SCUBE1: variants seen among roughly 807,000 people sequenced by gnomAD.
SCUBE1 encodes signal peptide, CUB domain and EGF like domain containing 1.
SCUBE1 carries 59 observed loss-of-function variants against 124.4 expected under a neutral mutation model. The observed-to-expected ratio is 0.47, with a 90% CI of 0.38 to 0.59. The LOEUF is 0.59. Among genes scored for constraint, SCUBE1 ranks in the 20% least tolerant of loss-of-function variants. The pLI is 0.00. For missense variants in SCUBE1, 1,150 were observed against 1,371.2 expected (o/e 0.84, Z 2.55); for synonymous variants, 545 against 550.9 (o/e 0.99, Z 0.15).
At chr22:43,213,707 T>G in intron 16 of SCUBE1, 1 of 163,032 alleles carries the variant, frequency 6.1e-6, no homozygotes. Flanking sequence ...AGTGTTCCAG[T>G]TGTAATGGAA....
At chr22:43,284,662 G>A (rs1235004026) in intron 4 of SCUBE1, among the ~76,000 whole-genome samples, 1 of 152,256 alleles carries the variant, frequency 6.6e-6, no homozygotes, top group East Asian at 1.9e-4. Context: ...ATGGGGCACT[G>A]TAAGGACGCA....
chr22:43,240,246 C>A (rs1014659098), intron 6 of SCUBE1, among the ~76,000 whole-genome samples: 11 of 152,194 alleles, frequency 7.2e-5, no homozygotes, highest in Admixed American at 3.3e-4. Flanking sequence ...CCCTGACACT[C>A]TTCCTGGCTC....
At chr22:43,342,406 T>G (rs1332113495) in intron 1 of SCUBE1, among the ~76,000 whole-genome samples, 3 of 151,952 alleles carry the variant, frequency 2.0e-5, no homozygotes, top group African/African-American at 7.2e-5. Context: ...CTTCCTTCCC[T>G]CTGTCTTTCC....
intron 1 of SCUBE1, 94 bp from the exon 2 acceptor site, chr22:43,339,329 CG>C: frequency 7.8e-7 from 1 of 1,289,580 alleles, no homozygotes; most frequent in Non-Finnish European, 1.1e-6. Flanking sequence ...TGCCTTTGCC[CG>C]TCCATTGATC....
At chr22:43,293,742 G>C (rs1925457538) in intron 3 of SCUBE1, among the ~76,000 whole-genome samples, 1 of 152,208 alleles carries the variant, frequency 6.6e-6, no homozygotes, top group Non-Finnish European at 1.5e-5. Context: ...CCTTCTCATG[G>C]TTCTCAGATT....
rs1923742646 is a variant in SCUBE1 at position 43,258,315 on chromosome 22, C to T, written c.631G>A (p.Gly211Arg). 3.1e-6 allele frequency: 5 copies of T among 1,613,932 alleles called. No individual in the cohort carries two copies. Among genetic ancestry groups the T allele is most frequent in the Non-Finnish European group, 3.4e-6 (4 of 1,179,792 alleles). ...TCCTCACAGCTGTGCTGGCAGCCTC[C>T]GTTTCCATAATTACAGGTTACTAGT... ...DCTLTCNYGN[G>R]GCQHSCEDTD... Residue 211 changes from glycine (G) to arginine (R), a missense_variant, in exon 6 of 22, where the codon GGA becomes AGA. This residue lies in a region of SCUBE1 where 337 missense variants were observed against 482.1 expected (regional missense o/e 0.70). Coordinates refer to ENST00000360835, the MANE Select transcript of SCUBE1 (RefSeq NM_173050.5). The surrounding 1 kb of genome is among the most constrained non-coding windows in gnomAD (Gnocchi z 5.0).
intron 4 of SCUBE1, among the ~76,000 whole-genome samples, chr22:43,285,571 C>A (rs527842437): frequency 4.6e-5 from 7 of 152,220 alleles, no homozygotes; most frequent in Non-Finnish European, 1.0e-4. Context: ...ACAGAAGAGG[C>A]AGAGCCCAAC....
chr22:43,227,553 G>C (rs1922374792), intron 9 of SCUBE1, 57 bp from the exon 10 acceptor site: 3 of 1,589,652 alleles, frequency 1.9e-6, no homozygotes, highest in Non-Finnish European at 2.6e-6. Flanking sequence ...CGGCTGGCAG[G>C]GGAAGGGACC....
chr22:43,324,914 T>C (rs1926672455), intron 2 of SCUBE1, among the ~76,000 whole-genome samples: 2 of 148,954 alleles, frequency 1.3e-5, no homozygotes, highest in South Asian at 4.4e-4. Flanking sequence ...GACTTGGAAG[T>C]AGGGTCTTTG....
intron 3 of SCUBE1, among the ~76,000 whole-genome samples, chr22:43,308,981 T>G (rs982817045): frequency 6.6e-6 from 1 of 152,224 alleles, no homozygotes; most frequent in Non-Finnish European, 1.5e-5. Flanking sequence ...CAACAGACAG[T>G]AAGTACAAGA....
intron 4 of SCUBE1, among the ~76,000 whole-genome samples, chr22:43,284,316 GAGAAGGGA>G (rs1460846892): frequency 6.6e-6 from 1 of 152,254 alleles, no homozygotes; most frequent in African/African-American, 2.4e-5. Flanking sequence ...CCCGTGAAGG[GAGAAGGGA>G]AGTGCGTGCC....
In SCUBE1 at chr22:43,268,681, G is replaced by A. The variant is rs150291705; in HGVS notation, c.485-5836C>T. Among the ~76,000 whole-genome samples, 223 of 152,382 alleles carry A rather than the reference G, an allele frequency of 1.5e-3. 2 individuals are homozygous for A. The highest frequency in any genetic ancestry group is 5.1e-3 in the African/African-American group (211 of 41,594). Reference sequence around the variant, plus strand: ...CTACGTAGAATTGGACAGTAGTAGCGCCTGCTTCCCAGAGTGTGCTAAATG... The same window carrying A: ...CTACGTAGAATTGGACAGTAGTAGCACCTGCTTCCCAGAGTGTGCTAAATG... On this transcript the variant is annotated intron_variant, in intron 4 of 21. Transcript: ENST00000360835.
chr22:43,291,004 T>G, intron 4 of SCUBE1, 42 bp downstream of exon 4: 1 of 1,531,646 alleles, frequency 6.5e-7, no homozygotes, highest in Non-Finnish European at 8.9e-7. Context: ...GGGCTGCCCA[T>G]CCTGGGGGGG....
At position 43,211,424 on chromosome 22, in the gene SCUBE1, T is replaced by C. The variant is rs563202115; in HGVS notation, c.2222-341A>G. ...AGGGAGGAGGGGAAGTGGAGCCAGC[T>C]AGGCCAAACCCTCTTTCTACAAGGT... On this transcript the variant is annotated intron_variant, in intron 17 of 21. Coordinates refer to ENST00000360835, the MANE Select transcript of SCUBE1 (RefSeq NM_173050.5). The surrounding 1 kb of genome is among the most constrained non-coding windows in gnomAD (Gnocchi z 4.5). 2.6e-5 allele frequency among the ~76,000 whole-genome samples: 4 copies of C among 151,858 alleles called. No individual in the cohort carries two copies. Among genetic ancestry groups the C allele is most frequent in the African/African-American group, 7.2e-5 (3 of 41,418 alleles).
In SCUBE1 at chr22:43,197,840, G is replaced by C. The variant is rs137952589; in HGVS notation, c.*6157C>G. 1 of 152,266 alleles carries C rather than the reference G, an allele frequency of 6.6e-6. No homozygotes were observed. The highest frequency in any genetic ancestry group is 1.9e-4 in the East Asian group (1 of 5,208). The allele number at this position is 152,266 out of a possible 1,614,324, so 9.4% of individuals were successfully genotyped here. ...CGAGTTTTTCGTGCTTGTGAAGGAG[G>C]GAAGGAATGTCACTGAAGTCACCCT... On this transcript the variant is annotated 3_prime_UTR_variant, in exon 22 of 22. Transcript: ENST00000360835.
intron 2 of SCUBE1, among the ~76,000 whole-genome samples, chr22:43,326,814 G>A (rs1166794694): frequency 6.6e-6 from 1 of 151,996 alleles, no homozygotes; most frequent in East Asian, 1.9e-4. Flanking sequence ...TTTGACTCAT[G>A]CTGTTCCCTC....
In SCUBE1 at chr22:43,258,069, C is replaced by G; in HGVS notation, c.727+150G>C. 1.5e-6 allele frequency: 1 copy of G among 661,176 alleles called. No individual in the cohort carries two copies. The highest frequency in any genetic ancestry group is 1.7e-5 in the South Asian group (1 of 57,752). 41.0% of individuals were successfully genotyped at this position (661,176 alleles called of 1,614,324 possible). The stretch of plus-strand genomic sequence containing the variant: ...CCTCCCCAGGGGCGCCGGCCATCCC[C>G]GCCATTGCCATGGGCTTGCCTTTCC... On this transcript the variant is annotated intron_variant, in intron 6 of 21. Transcript: ENST00000360835. The surrounding 1 kb of genome is among the most constrained non-coding windows in gnomAD (Gnocchi z 5.0).
At chr22:43,225,703 A>T (rs1012414610) in intron 10 of SCUBE1, among the ~76,000 whole-genome samples, 1 of 151,758 alleles carries the variant, frequency 6.6e-6, no homozygotes, top group Non-Finnish European at 1.5e-5. Flanking sequence ...TGCCCGGCCA[A>T]ATGTTTCTTT....
At chr22:43,292,183 G>A (rs1271945270) in intron 3 of SCUBE1, among the ~76,000 whole-genome samples, 3 of 152,118 alleles carry the variant, frequency 2.0e-5, no homozygotes, top group Non-Finnish European at 4.4e-5. Context: ...CAAAAACTCC[G>A]AGAATGAGGA....
Sources: allele counts gnomAD v4.1 joint callset (sites outside exome capture counted in the v4.1 genomes callset), GRCh38; gene constraint gnomAD v4.1.1; regional missense constraint gnomAD v4.1.1; non-coding constraint Gnocchi (gnomAD v3.1); transcripts MANE v1.5; gene names NCBI Gene and HGNC (gene_info 2026-07-23, HGNC 2026-07-21).